Variants in SCRG1 observed in about 807,000 individuals in gnomAD.
The protein encoded by SCRG1 is scrapie-responsive protein 1.
A neutral mutation model predicts 7.7 loss-of-function variants in SCRG1; 3 were observed. The observed-to-expected ratio is 0.39, with a 90% CI of 0.18 to 1.01. The LOEUF (loss-of-function observed/expected upper bound fraction) is 1.01, where lower values mean the gene tolerates loss of function less well. Ranked by LOEUF, SCRG1 falls within the 50% of genes least tolerant of loss-of-function variation. SCRG1 has a pLI of 0.36. For synonymous variants in SCRG1, 46 were observed against 41.2 expected, an observed-to-expected ratio of 1.12 and a Z score of -0.44; for missense variants, 110 against 117.2, an observed-to-expected ratio of 0.94 and a Z score of 0.28.
At chr4:173,518,935 C>T in the SCRG1 span, among the ~76,000 whole-genome samples, 1 of 147,192 alleles carries the variant, frequency 6.8e-6, no homozygotes, top group Non-Finnish European at 1.5e-5. Context: ...TCCCGAGATA[C>T]GCTAGAGTTG....
the SCRG1 span, among the ~76,000 whole-genome samples, chr4:173,501,109 G>A: frequency 2.0e-5 from 3 of 152,220 alleles, no homozygotes; most frequent in African/African-American, 7.2e-5. The surrounding 1 kb of genome is among the most constrained non-coding windows in gnomAD (Gnocchi z 5.1). Context: ...TCCAAAGTGG[G>A]CGGAGTGAGG....
chr4:173,505,432 C>T, the SCRG1 span, among the ~76,000 whole-genome samples: 1 of 151,988 alleles, frequency 6.6e-6, no homozygotes, highest in Non-Finnish European at 1.5e-5. The surrounding 1 kb of genome is among the most constrained non-coding windows in gnomAD (Gnocchi z 4.4). Flanking sequence ...TCTTGTACAT[C>T]AGTACAAGAT....
the SCRG1 span, among the ~76,000 whole-genome samples, chr4:173,454,501 T>C: frequency 5.3e-5 from 8 of 152,228 alleles, no homozygotes; most frequent in Admixed American, 3.3e-4. Context: ...TCAATTTTAT[T>C]TTCTTCACTA....
the SCRG1 span, among the ~76,000 whole-genome samples, chr4:173,489,066 A>T: frequency 6.6e-6 from 1 of 152,334 alleles, no homozygotes; most frequent in Admixed American, 6.5e-5. Flanking sequence ...TTTACATGGA[A>T]GGACATACCT....
the SCRG1 span, among the ~76,000 whole-genome samples, chr4:173,476,900 G>A: frequency 3.9e-5 from 6 of 152,200 alleles, no homozygotes; most frequent in South Asian, 6.2e-4. Context: ...CTAATGCTTG[G>A]AGCCTTCATA....
At chr4:173,413,080 A>G in the SCRG1 span, among the ~76,000 whole-genome samples, 1 of 152,082 alleles carries the variant, frequency 6.6e-6, no homozygotes, top group Non-Finnish European at 1.5e-5. Context: ...ACTGATGCAC[A>G]ATTTCCTTTG....
the SCRG1 span, among the ~76,000 whole-genome samples, chr4:173,485,933 G>A: frequency 6.6e-6 from 1 of 152,112 alleles, no homozygotes; most frequent in Admixed American, 6.6e-5. Context: ...TTGTGCCACC[G>A]CACTCCAGCC....
chr4:173,487,652 G>A, the SCRG1 span, among the ~76,000 whole-genome samples: 4 of 152,204 alleles, frequency 2.6e-5, no homozygotes, highest in South Asian at 6.2e-4. Context: ...CAATTGAGAT[G>A]TGAAATACAT....
chr4:173,443,446 G>A, the SCRG1 span, among the ~76,000 whole-genome samples: 1 of 152,150 alleles, frequency 6.6e-6, no homozygotes, highest in South Asian at 2.1e-4. Flanking sequence ...TTGGCATGTT[G>A]CTCACCTGCC....
chr4:173,429,575 A>G, the SCRG1 span, among the ~76,000 whole-genome samples: 1 of 152,302 alleles, frequency 6.6e-6, no homozygotes, highest in Admixed American at 6.5e-5. Flanking sequence ...TGATTATAGG[A>G]ATGAGCCACT....
At chr4:173,428,581 G>A in the SCRG1 span, among the ~76,000 whole-genome samples, 1 of 152,150 alleles carries the variant, frequency 6.6e-6, no homozygotes, top group African/African-American at 2.4e-5. Context: ...TGAAAAAGAG[G>A]GGAGCCTTCA....
the SCRG1 span, among the ~76,000 whole-genome samples, chr4:173,456,101 A>T: frequency 6.6e-6 from 1 of 152,308 alleles, no homozygotes; most frequent in African/African-American, 2.4e-5. Flanking sequence ...GTCATTTGAG[A>T]CATTCAAGCC....
At chr4:173,456,601 C>A in the SCRG1 span, among the ~76,000 whole-genome samples, 1 of 152,094 alleles carries the variant, frequency 6.6e-6, no homozygotes, top group African/African-American at 2.4e-5. Context: ...TTATGTAATG[C>A]ACACTTATTT....
At chr4:173,483,442 T>TC in the SCRG1 span, among the ~76,000 whole-genome samples, 7 of 88,372 alleles carry the variant, frequency 7.9e-5, 1 homozygote, top group Non-Finnish European at 9.8e-5. Context: ...ATATATTATA[T>TC]ATTATATCAT....
the SCRG1 span, among the ~76,000 whole-genome samples, chr4:173,505,719 G>A: frequency 6.6e-6 from 1 of 152,216 alleles, no homozygotes; most frequent in Non-Finnish European, 1.5e-5. This position sits in a 1 kb window ranked among gnomAD's most constrained non-coding sequence, Gnocchi z 4.4. Context: ...TAGAGTGTAA[G>A]CAAGCAGTCA....
chr4:173,466,933 T>C, the SCRG1 span, among the ~76,000 whole-genome samples: 1 of 152,158 alleles, frequency 6.6e-6, no homozygotes, highest in Admixed American at 6.5e-5. Flanking sequence ...CTCATGAGTG[T>C]CCACAGGAAA....
At chr4:173,484,476 A>ATATATATTATATATATATAATATATAT in the SCRG1 span, among the ~76,000 whole-genome samples, 1 of 19,372 alleles carries the variant, frequency 5.2e-5, no homozygotes, top group South Asian at 2.5e-3. Context: ...ATAATATATA[A>ATATATATTATATATATATAATATATAT]TATATATTAT....
Position 173,384,889 on chromosome 4 carries a change from TG to T in SCRG1, c.*3451del, listed in dbSNP as rs1407514534. On this transcript the variant is annotated 3_prime_UTR_variant, in exon 3 of 3. Coordinates refer to ENST00000296506, the MANE Select transcript of SCRG1 (RefSeq NM_007281.4). The stretch of plus-strand genomic sequence containing the variant: ...ATGAGCTATCTGAAATGTACAATTG[TG>T]TGTCCTATCCATGTAAAAGTTTGCC... 1.3e-5 allele frequency: 2 copies of T among 152,300 alleles called. No individual in the cohort carries two copies. The highest frequency in any genetic ancestry group is 1.9e-4 in the East Asian group (1 of 5,190). The allele number at this position is 152,300 out of a possible 1,614,324, so 9.4% of individuals were successfully genotyped here. A position where few individuals can be genotyped will look rare whatever the true frequency, so the allele number is the denominator to read the frequency against.
chr4:173,477,568 G>A, the SCRG1 span, among the ~76,000 whole-genome samples: 1 of 152,088 alleles, frequency 6.6e-6, no homozygotes. Flanking sequence ...TTTTCTATCT[G>A]GGAGTGGAGG....
Sources: gnomAD v4.1 joint callset for allele counts (sites outside exome capture counted in the v4.1 genomes callset) on GRCh38, gnomAD v4.1.1 for gene constraint, Gnocchi (gnomAD v3.1) non-coding constraint, MANE v1.5 for transcripts, NCBI Gene and HGNC (gene_info 2026-07-23, HGNC 2026-07-21) for gene names.